Variants in ALK observed in about 807,000 individuals in gnomAD.
The protein encoded by ALK is ALK receptor tyrosine kinase.
In ALK, 74 loss-of-function variants were observed where a neutral mutation model predicts 163.1. The ratio of observed to expected loss-of-function variants is 0.45; its 90% CI spans 0.38 to 0.55. ALK has a LOEUF of 0.55. ALK is among the 20% of genes least tolerant of loss of function. The pLI, the probability that ALK is intolerant of heterozygous loss-of-function variation, is 0.00. For synonymous variants in ALK, 960 were observed against 843.2 expected, an observed-to-expected ratio of 1.14 and a Z score of -2.40; for missense variants, 2,063 against 2,105.3, an observed-to-expected ratio of 0.98 and a Z score of 0.39.
chr2:29,610,510 C>T (rs750241130), intron 3 of ALK, among the ~76,000 whole-genome samples: 5 of 152,120 alleles, frequency 3.3e-5, no homozygotes, highest in Admixed American at 6.5e-5. Flanking sequence ...TTCTGCTCCA[C>T]GGCTGGCCTG....
intron 11 of ALK, 149 bp from the exon 12 acceptor site, chr2:29,251,416 GC>G (rs1370750706): frequency 1.3e-6 from 1 of 787,658 alleles, no homozygotes; most frequent in Non-Finnish European, 2.1e-6. Flanking sequence ...ACACCAATCA[GC>G]CATCGAACTG....
At chr2:29,585,644 A>G (rs952308003) in intron 3 of ALK, among the ~76,000 whole-genome samples, 2 of 152,198 alleles carry the variant, frequency 1.3e-5, no homozygotes, top group African/African-American at 4.8e-5. Context: ...TTGTTTTTAC[A>G]AAATTAAAAT....
intron 1 of ALK, among the ~76,000 whole-genome samples, chr2:29,910,409 T>C (rs778660354): frequency 2.4e-4 from 36 of 152,142 alleles, no homozygotes; most frequent in Non-Finnish European, 4.9e-4. Context: ...ACAATTGTAA[T>C]TGAATTCTTA....
chr2:29,701,982 T>A (rs1274514043), intron 2 of ALK, among the ~76,000 whole-genome samples: 1 of 151,892 alleles, frequency 6.6e-6, no homozygotes, highest in East Asian at 1.9e-4. Flanking sequence ...GCTTCCCTCA[T>A]GTAGAGCCAC....
intron 2 of ALK, among the ~76,000 whole-genome samples, chr2:29,703,401 T>G (rs562628733): frequency 6.6e-6 from 1 of 152,334 alleles, no homozygotes; most frequent in South Asian, 2.1e-4. Flanking sequence ...TTCACAGGAA[T>G]AGAGCACAAG....
rs570700406 is a variant in ALK at position 29,653,082 on chromosome 2, C to T, written c.952+41768G>A. The stretch of plus-strand genomic sequence containing the variant: ...ATCCCTCAACCAGTGGAGTCTGACG[C>T]TGTCTCCAGGTAGATAGTGTCAGAA... On this transcript the variant is annotated intron_variant, in intron 3 of 28. Transcript: ENST00000389048. Among the ~76,000 whole-genome samples the T allele has an allele frequency of 1.8e-4, 27 of 152,236 alleles. No individual in the cohort carries two copies. The South Asian group carries it at 5.4e-3, about 30-fold the overall frequency.
chr2:29,311,811 G>T (rs1666703864), intron 8 of ALK, among the ~76,000 whole-genome samples: 1 of 152,160 alleles, frequency 6.6e-6, no homozygotes, highest in Admixed American at 6.5e-5. Flanking sequence ...GGGGCGATGT[G>T]GGGGAAGGCC....
intron 4 of ALK, among the ~76,000 whole-genome samples, chr2:29,424,319 T>A (rs1439537324): frequency 6.6e-6 from 1 of 152,154 alleles, no homozygotes. Context: ...AACTGACAAA[T>A]TATGCAAAAA....
rs558075716 is a variant in ALK at position 29,320,055 on chromosome 2, G to C, written c.1546+696C>G. Among the ~76,000 whole-genome samples, 128 of 152,360 alleles carry C rather than the reference G, an allele frequency of 8.4e-4. 2 individuals are homozygous for C. Among genetic ancestry groups the C allele is most frequent in the Admixed American group, 7.4e-3 (114 of 15,310 alleles). ...AGCCTGGCCTCTCCAGCAGCCTAAC[G>C]TTGGGAGCTCTGCTGGCCATATAGA... On this transcript the variant is annotated intron_variant, in intron 7 of 28. Coordinates refer to ENST00000389048, the MANE Select transcript of ALK (RefSeq NM_004304.5).
chr2:29,640,435 C>T (rs142091463), intron 3 of ALK, among the ~76,000 whole-genome samples: 88 of 152,224 alleles, frequency 5.8e-4, no homozygotes, highest in African/African-American at 2.0e-3. Flanking sequence ...TACGATCTGT[C>T]TCTTGCTTCT....
intron 1 of ALK, among the ~76,000 whole-genome samples, chr2:29,872,229 A>G (rs1666594298): frequency 6.6e-6 from 1 of 152,232 alleles, no homozygotes; most frequent in Admixed American, 6.5e-5. Flanking sequence ...GTTGGGAGTC[A>G]AGGAATTTAA....
At chr2:29,541,233 TC>T (rs993769590) in intron 3 of ALK, among the ~76,000 whole-genome samples, 6 of 152,212 alleles carry the variant, frequency 3.9e-5, no homozygotes, top group African/African-American at 1.4e-4. Flanking sequence ...CAATTTGTTT[TC>T]CACTCTTTTG....
chr2:29,658,428 A>G (rs1677252570), intron 3 of ALK, among the ~76,000 whole-genome samples: 1 of 152,206 alleles, frequency 6.6e-6, no homozygotes, highest in South Asian at 2.1e-4. Context: ...AAAGATGTTC[A>G]TTTGGTATCC....
intron 5 of ALK, among the ~76,000 whole-genome samples, chr2:29,362,905 C>A (rs1403553004): frequency 6.6e-6 from 1 of 152,168 alleles, no homozygotes; most frequent in Non-Finnish European, 1.5e-5. Context: ...TATATAATTT[C>A]TCTTCCATTG....
chr2:29,223,468 T>C lies in ALK; in HGVS notation c.3233A>G (p.Tyr1078Cys), dbSNP rs912992612. Reference protein sequence around the residue: ...AMQMELQSPEYKLSKLRTSTI... With the variant: ...AMQMELQSPECKLSKLRTSTI... ...CGAGGTGCGGAGCTTGCTCAGCTTG[T>C]ACTCAGGGCTCTGCAGCTCCATCTG... Residue 1078 changes from tyrosine (Y) to cysteine (C), a missense_variant, in exon 20 of 29, where the codon TAC becomes TGC. This residue lies in a region of ALK where 575 missense variants were observed against 626.6 expected (regional missense o/e 0.92). Coordinates refer to ENST00000389048, the MANE Select transcript of ALK (RefSeq NM_004304.5). 2 of 1,614,070 alleles carry C rather than the reference T, an allele frequency of 1.2e-6. No homozygotes were observed. The highest frequency in any genetic ancestry group is 1.7e-6 in the Non-Finnish European group (2 of 1,180,038).
intron 1 of ALK, among the ~76,000 whole-genome samples, chr2:29,809,793 T>C (rs896765677): frequency 2.6e-5 from 4 of 152,228 alleles, no homozygotes; most frequent in African/African-American, 9.6e-5. Context: ...AAAGAGCAAC[T>C]AGTATTGTCC....
intron 1 of ALK, among the ~76,000 whole-genome samples, chr2:29,733,814 T>A (rs1679814372): frequency 6.6e-6 from 1 of 152,038 alleles, no homozygotes; most frequent in African/African-American, 2.4e-5. Flanking sequence ...CCCACGGGGA[T>A]CCGGCAGGTT....
intron 1 of ALK, among the ~76,000 whole-genome samples, chr2:29,862,770 T>C (rs892403920): frequency 2.0e-5 from 3 of 151,010 alleles, no homozygotes; most frequent in African/African-American, 7.3e-5. Context: ...GAGAAAGCAA[T>C]CCTAAAATTC....
intron 3 of ALK, among the ~76,000 whole-genome samples, chr2:29,641,932 AGG>A (rs1373392716): frequency 3.9e-5 from 6 of 152,202 alleles, no homozygotes; most frequent in Non-Finnish European, 8.8e-5. Flanking sequence ...TTCCAAACCC[AGG>A]TATACATAAG....
Sources: gnomAD v4.1 joint callset for allele counts (sites outside exome capture counted in the v4.1 genomes callset) on GRCh38, gnomAD v4.1.1 for gene constraint, gnomAD v4.1.1 regional missense constraint, MANE v1.5 for transcripts, NCBI Gene and HGNC (gene_info 2026-07-23, HGNC 2026-07-21) for gene names.